The following ABCG2 variants were observed in gnomAD, a reference collection of about 807,000 sequenced individuals.
ABCG2 encodes broad substrate specificity ATP-binding cassette transporter ABCG2.
Under a neutral mutation model 73.5 loss-of-function variants are expected in ABCG2, and 80 were observed. That is an observed-to-expected ratio of 1.09 (90% confidence interval 0.91 to 1.31). ABCG2 has a LOEUF of 1.31. Ranked by LOEUF, ABCG2 falls within the 50% of genes most tolerant of loss-of-function variation. ABCG2 has a pLI of 0.00. For synonymous variants in ABCG2, 269 were observed against 282.4 expected, an observed-to-expected ratio of 0.95 and a Z score of 0.48; for missense variants, 796 against 786.2, an observed-to-expected ratio of 1.01 and a Z score of -0.15.
In ABCG2 at chr4:88,209,494, T is replaced by A. The variant is rs923999411; in HGVS notation, c.-20+21500A>T. 8.6e-5 allele frequency among the ~76,000 whole-genome samples: 13 copies of A among 151,876 alleles called. No homozygotes were observed. The South Asian group carries it at 2.1e-3, about 24-fold the overall frequency. On this transcript the variant is annotated intron_variant, in intron 1 of 15. Coordinates refer to the ABCG2 transcript ENST00000515655. Reference sequence around the variant, plus strand: ...GCCTGGCCAACATGGTGAAATCCCATCTCTACTAAAATACAAAAATTATCC... The same window carrying A: ...GCCTGGCCAACATGGTGAAATCCCAACTCTACTAAAATACAAAAATTATCC...
intron 1 of ABCG2, among the ~76,000 whole-genome samples, chr4:88,213,908 C>T (rs1162839274): frequency 2.6e-5 from 4 of 151,122 alleles, no homozygotes; most frequent in Non-Finnish European, 4.4e-5. Flanking sequence ...GTCTTGATCT[C>T]CTGACCTTGT....
intron 13 of ABCG2, 34 bp downstream of exon 13, chr4:88,097,419 A>G (rs545955226): frequency 9.4e-6 from 15 of 1,602,900 alleles, no homozygotes; most frequent in South Asian, 2.2e-5. Context: ...GAAAAAAACA[A>G]TTCCTTATCA....
At chr4:88,120,658 T>C (rs548430335) in intron 6 of ABCG2, among the ~76,000 whole-genome samples, 46 of 152,282 alleles carry the variant, frequency 3.0e-4, no homozygotes, top group Middle Eastern at 6.8e-3. Flanking sequence ...TTGGAACAGG[T>C]GTATTTACCC....
At chr4:88,103,964 T>C (rs1181842879) in intron 10 of ABCG2, among the ~76,000 whole-genome samples, 2 of 152,234 alleles carry the variant, frequency 1.3e-5, no homozygotes, top group Non-Finnish European at 2.9e-5. Flanking sequence ...ACCCTTCGGG[T>C]GATTCCGTAT....
At chr4:88,187,505 C>T (rs1439718740) in intron 1 of ABCG2, among the ~76,000 whole-genome samples, 3 of 151,652 alleles carry the variant, frequency 2.0e-5, no homozygotes, top group Admixed American at 1.3e-4. Flanking sequence ...CCCAGCTACT[C>T]GGGAGGCTGA....
chr4:88,159,968 C>A (rs1449801469), upstream of ABCG2, among the ~76,000 whole-genome samples: 2 of 152,112 alleles, frequency 1.3e-5, no homozygotes, highest in Admixed American at 6.5e-5. Flanking sequence ...TTAAGGCCAG[C>A]ACGGTGGCTC....
At chr4:88,154,360 C>T (rs1726771765) in intron 1 of ABCG2, among the ~76,000 whole-genome samples, 1 of 152,134 alleles carries the variant, frequency 6.6e-6, no homozygotes, top group Non-Finnish European at 1.5e-5. Context: ...AAACCTCTTG[C>T]ATAGTGGTGC....
rs767710822 is a variant in ABCG2 at position 88,132,575 on chromosome 4, C to A, written c.263+1G>T. 3.2e-5 allele frequency: 52 copies of A among 1,613,998 alleles called. No homozygotes were observed. The highest frequency in any genetic ancestry group is 4.0e-5 in the Non-Finnish European group (47 of 1,180,000). ...GCTTACTTATACTCTCTTATACTCA[C>A]GAAGATTTGCCTCCACCTGTGGGTC... On this transcript the variant is annotated splice_donor_variant, in intron 3 of 15. Coordinates refer to ENST00000237612, the MANE Select transcript of ABCG2 (RefSeq NM_004827.3). LOFTEE classifies it high-confidence loss of function.
In ABCG2 at chr4:88,124,325, A is replaced by G. The variant is rs189813189; in HGVS notation, c.532-2533T>C. Among the ~76,000 whole-genome samples, 39 of 152,342 alleles carry G rather than the reference A, an allele frequency of 2.6e-4. No homozygotes were observed. In the East Asian group the frequency reaches 6.9e-3, roughly 27 times the overall value. ...TTCACACATAACAATATTAACCTGA[A>G]ATGTAAATGGGCTAAATGCCCCAGT... On this transcript the variant is annotated intron_variant, in intron 5 of 15. Transcript: ENST00000237612.
chr4:88,132,287 T>G (rs1414046240), intron 3 of ABCG2, among the ~76,000 whole-genome samples: 1 of 152,098 alleles, frequency 6.6e-6, no homozygotes, highest in Non-Finnish European at 1.5e-5. Context: ...CTGCTTCCTT[T>G]CCCTACTTTT....
chr4:88,186,028 G>GA (rs1314270860), intron 1 of ABCG2, among the ~76,000 whole-genome samples: 1 of 152,098 alleles, frequency 6.6e-6, no homozygotes, highest in African/African-American at 2.4e-5. Context: ...CCCAAAAAAG[G>GA]AAATCAGTAT....
At chr4:88,156,975 G>A (rs945538838) in intron 1 of ABCG2, among the ~76,000 whole-genome samples, 6 of 152,078 alleles carry the variant, frequency 3.9e-5, no homozygotes, top group Non-Finnish European at 7.4e-5. Flanking sequence ...GGTGGCAGGC[G>A]CCTATAATCC....
intron 5 of ABCG2, among the ~76,000 whole-genome samples, chr4:88,127,017 T>C (rs1312890773): frequency 6.6e-6 from 1 of 152,188 alleles, no homozygotes; most frequent in Non-Finnish European, 1.5e-5. Context: ...TGATTGTATA[T>C]TTAGATAAGC....
chr4:88,153,385 G>A (rs866618257), intron 1 of ABCG2, among the ~76,000 whole-genome samples: 4 of 152,050 alleles, frequency 2.6e-5, no homozygotes, highest in Non-Finnish European at 2.9e-5. Flanking sequence ...GAGCTCAAAT[G>A]GGCTGTATTT....
rs566262083 is a variant in ABCG2 at position 88,108,603 on chromosome 4, C to T, written c.1195-1337G>A. Among the ~76,000 whole-genome samples, 75 of 152,018 alleles carry T rather than the reference C, an allele frequency of 4.9e-4. 1 individual carries two copies. In the South Asian group the frequency reaches 9.6e-3, roughly 19 times the overall value. ...ATCTAAAGAAGACAAAATATCCTAC[C>T]ATATCTTGGAATCTTCAAAGTTAAA... On this transcript the variant is annotated intron_variant, in intron 9 of 15. Coordinates refer to ENST00000237612, the MANE Select transcript of ABCG2 (RefSeq NM_004827.3).
chr4:88,157,381 T>C (rs1212874465), intron 1 of ABCG2, among the ~76,000 whole-genome samples: 5 of 152,194 alleles, frequency 3.3e-5, no homozygotes, highest in Admixed American at 3.3e-4. Context: ...GATTGGATCC[T>C]GGGCAGAAAA....
rs535846073 is a variant in ABCG2 at position 88,227,071 on chromosome 4, G to A, written c.-20+3923C>T. On this transcript the variant is annotated intron_variant, in intron 1 of 15. Transcript: ENST00000515655. ...GCCTTGTTCATGCCACTGCACTCCC[G>A]CCTGGGTGATACAGCAATACCCTGT... is the stretch of plus-strand genomic sequence containing the variant. Among the ~76,000 whole-genome samples, 22 of 152,154 alleles carry A rather than the reference G, an allele frequency of 1.4e-4. 1 individual carries two copies. In the East Asian group the frequency reaches 2.3e-3, roughly 16 times the overall value.
At chr4:88,207,075 G>A (rs1472645282) in intron 1 of ABCG2, among the ~76,000 whole-genome samples, 3 of 152,162 alleles carry the variant, frequency 2.0e-5, no homozygotes, top group Admixed American at 6.5e-5. Flanking sequence ...GATTACAAGC[G>A]TGAACCAATG....
At chr4:88,213,388 G>A (rs1203509483) in intron 1 of ABCG2, among the ~76,000 whole-genome samples, 1 of 152,110 alleles carries the variant, frequency 6.6e-6, no homozygotes, top group African/African-American at 2.4e-5. Flanking sequence ...ACTTGACTGA[G>A]AAAACTGAAG....
Sources: gnomAD v4.1 joint callset for allele counts (sites outside exome capture counted in the v4.1 genomes callset) on GRCh38, gnomAD v4.1.1 for gene constraint, MANE v1.5 for transcripts, NCBI Gene and HGNC (gene_info 2026-07-23, HGNC 2026-07-21) for gene names.